The following PEX7 variants were observed in gnomAD, a reference collection of about 807,000 sequenced individuals.
PEX7 encodes peroxisomal biogenesis factor 7.
A neutral mutation model predicts 47.5 loss-of-function variants in PEX7; 34 were observed. The observed-to-expected ratio is 0.72, with a 90% confidence interval of 0.54 to 0.95. The LOEUF is 0.95. Ranked by LOEUF, PEX7 falls within the 40% of genes least tolerant of loss-of-function variation. The pLI is 0.00. For synonymous variants in PEX7, 141 were observed against 148.8 expected (o/e 0.95, Z 0.38); for missense variants, 394 against 400.3 (o/e 0.98, Z 0.13).
chr6:136,850,621 C>G (rs571377325), intron 5 of PEX7, among the ~76,000 whole-genome samples: 1 of 152,240 alleles, frequency 6.6e-6, no homozygotes, highest in African/African-American at 2.4e-5. Context: ...CTGGCAAGGA[C>G]AAATTCATGG....
chr6:136,913,252 T>G (rs1273144475), intron 9 of PEX7, among the ~76,000 whole-genome samples: 1 of 152,174 alleles, frequency 6.6e-6, no homozygotes, highest in Non-Finnish European at 1.5e-5. Context: ...ACTCAATCAA[T>G]GGGAATCAGT....
chr6:136,877,143 A>G (rs190469519), intron 8 of PEX7, among the ~76,000 whole-genome samples: 4 of 150,448 alleles, frequency 2.7e-5, no homozygotes, highest in East Asian at 3.9e-4. Context: ...TCTTCTTTTG[A>G]GAAGTGACTG....
intron 7 of PEX7, chr6:136,870,827 G>A (rs1162614239): frequency 2.8e-6 from 1 of 351,536 alleles, no homozygotes. Context: ...CTACTGAGTA[G>A]CTGGGACTAC....
chr6:136,832,682 A>G (rs1053587004), intron 3 of PEX7, among the ~76,000 whole-genome samples: 3 of 152,222 alleles, frequency 2.0e-5, no homozygotes, highest in African/African-American at 7.2e-5. Flanking sequence ...CACTTCTTGA[A>G]TGCTTTGGTG....
At chr6:136,853,550 T>C (rs1466618065) in intron 5 of PEX7, among the ~76,000 whole-genome samples, 1 of 152,168 alleles carries the variant, frequency 6.6e-6, no homozygotes, top group East Asian at 1.9e-4. Context: ...ATCACACACT[T>C]TTTTCCCATT....
At chr6:136,842,761 G>T (rs11964674) in intron 3 of PEX7, among the ~76,000 whole-genome samples, 1 of 152,172 alleles carries the variant, frequency 6.6e-6, no homozygotes, top group African/African-American at 2.4e-5. Flanking sequence ...TGTGAGTTAT[G>T]TAACATTCTT....
chr6:136,867,522 G>GA lies in PEX7; in HGVS notation c.633+795dup, dbSNP rs201416116. Among the ~76,000 whole-genome samples, 23 of 151,868 alleles carry GA rather than the reference G, an allele frequency of 1.5e-4. No homozygotes were observed. In the East Asian group the frequency reaches 3.9e-3, roughly 26 times the overall value. On this transcript the variant is annotated intron_variant, in intron 6 of 9. Transcript: ENST00000318471. Reference sequence around the variant, plus strand: ...AAAAAGTAAAAAAAAAAATTAAATAGAAAAAAGCTTATAAACTAAGGATAT... The same window carrying GA: ...AAAAAGTAAAAAAAAAAATTAAATAGAAAAAAAGCTTATAAACTAAGGATAT...
In PEX7 at chr6:136,866,624, T is replaced by G. The variant is rs774283628; in HGVS notation, c.527-3T>G. 6.2e-7 allele frequency: 1 copy of G among 1,612,672 alleles called. No individual in the cohort carries two copies. The highest frequency in any genetic ancestry group is 8.5e-7 in the Non-Finnish European group (1 of 1,178,842). On this transcript the variant is annotated splice_region_variant and splice_polypyrimidine_tract_variant and intron_variant, in intron 5 of 9. Transcript: ENST00000318471. Reference sequence around the variant, plus strand: ...GAAATGATCAAGTCTTCCTTTTTACTAGGTGATCAGACTCTGAGAATATGG... The same window carrying G: ...GAAATGATCAAGTCTTCCTTTTTACGAGGTGATCAGACTCTGAGAATATGG...
chr6:136,891,050 C>T (rs1260733281), intron 8 of PEX7, among the ~76,000 whole-genome samples: 1 of 152,186 alleles, frequency 6.6e-6, no homozygotes, highest in Non-Finnish European at 1.5e-5. Context: ...AAGCAATACA[C>T]AAACCGCATA....
At chr6:136,907,918 A>G (rs1238525490) in intron 9 of PEX7, among the ~76,000 whole-genome samples, 1 of 152,176 alleles carries the variant, frequency 6.6e-6, no homozygotes, top group Non-Finnish European at 1.5e-5. Flanking sequence ...AAGATGTTCT[A>G]TAATACATAT....
chr6:136,863,792 G>C (rs9385776), intron 5 of PEX7, among the ~76,000 whole-genome samples: 96,950 of 151,848 alleles, frequency 0.64, 31,082 homozygotes, highest in African/African-American at 0.69. Flanking sequence ...GCTTGTAGTC[G>C]CAGCTACTTG....
At position 136,845,705 on chromosome 6, in the gene PEX7, T is replaced by G; in HGVS notation, c.417+13T>G. 1 of 1,530,990 alleles carries G rather than the reference T, an allele frequency of 6.5e-7. No homozygotes were observed. The allele number at this position is 1,530,990 out of a possible 1,614,324, so 94.8% of individuals were successfully genotyped here. On this transcript the variant is annotated intron_variant, in intron 4 of 9. Coordinates refer to ENST00000318471, the MANE Select transcript of PEX7 (RefSeq NM_000288.4). ...AACTGTCAAATTGGTATGTTAGCAT[T>G]ATTGTATTCAAAAACGAATATTCCC...
chr6:136,867,993 G>A (rs1775105987), intron 6 of PEX7, among the ~76,000 whole-genome samples: 1 of 152,112 alleles, frequency 6.6e-6, no homozygotes, highest in Non-Finnish European at 1.5e-5. Context: ...TCCATTCATG[G>A]TAAGGACCCT....
chr6:136,885,767 G>GAT (rs1775457963), intron 8 of PEX7, among the ~76,000 whole-genome samples: 1 of 152,212 alleles, frequency 6.6e-6, no homozygotes. Flanking sequence ...AGTACTGGAA[G>GAT]ATATATATTC....
Position 136,913,688 on chromosome 6 carries a change from CTT to C in PEX7, c.*164_*165del. ...TCAGTTTTGAGGGAGCTGATAAAGA[CTT>C]TAGCTGACTCGTTAAGCCTGATACA... On this transcript the variant is annotated 3_prime_UTR_variant, in exon 10 of 10. Transcript: ENST00000318471. 1 of 658,376 alleles carries C rather than the reference CTT, an allele frequency of 1.5e-6. No individual in the cohort carries two copies. The highest frequency in any genetic ancestry group is 2.7e-6 in the Non-Finnish European group (1 of 367,088). 40.8% of individuals were successfully genotyped at this position (658,376 alleles called of 1,614,324 possible). A position where few individuals can be genotyped will look rare whatever the true frequency, so the allele number is the denominator to read the frequency against.
intron 3 of PEX7, among the ~76,000 whole-genome samples, chr6:136,843,364 G>A (rs1163460051): frequency 2.6e-5 from 4 of 152,236 alleles, no homozygotes; most frequent in Non-Finnish European, 5.9e-5. Flanking sequence ...CATCAGCCTA[G>A]AGCAGGGGTT....
intron 5 of PEX7, among the ~76,000 whole-genome samples, chr6:136,861,466 C>G (rs957549350): frequency 1.3e-5 from 2 of 152,088 alleles, no homozygotes; most frequent in South Asian, 4.1e-4. Flanking sequence ...AATGCTATAG[C>G]TATAGCAGAA....
chr6:136,856,672 C>A (rs531839958), intron 5 of PEX7, among the ~76,000 whole-genome samples: 2 of 152,178 alleles, frequency 1.3e-5, no homozygotes, highest in African/African-American at 4.8e-5. Flanking sequence ...CTTGGTTAGT[C>A]CCTGCAGTTG....
rs906349914 is a variant in PEX7, at chr6:136,825,629, G to A, written c.188+358G>A. 2.6e-5 allele frequency among the ~76,000 whole-genome samples: 4 copies of A among 152,128 alleles called. No homozygotes were observed. In the East Asian group the frequency reaches 7.7e-4, roughly 29 times the overall value. On this transcript the variant is annotated intron_variant, in intron 2 of 9. Coordinates refer to ENST00000318471, the MANE Select transcript of PEX7 (RefSeq NM_000288.4). ...GCTCAGTGCAGTCTTCCCCTCCTGG[G>A]TTCAAGTGATTCTCCTGCCTCAGCC...
Sources: gnomAD v4.1 joint callset for allele counts (sites outside exome capture counted in the v4.1 genomes callset) on GRCh38, gnomAD v4.1.1 for gene constraint, MANE v1.5 for transcripts, NCBI Gene and HGNC (gene_info 2026-07-23, HGNC 2026-07-21) for gene names.